EGFLAM: variants seen among roughly 807,000 people sequenced by gnomAD.
The protein encoded by EGFLAM is EGF like, fibronectin type III and laminin G domains, also known as pikachurin.
Under a neutral mutation model 113.1 loss-of-function variants are expected in EGFLAM, and 79 were observed. That is an observed-to-expected ratio of 0.70 (90% CI 0.58 to 0.84). The LOEUF (loss-of-function observed/expected upper bound fraction) is 0.84. Ranked by LOEUF, EGFLAM falls within the 40% of genes least tolerant of loss-of-function variation. The pLI, the probability that EGFLAM is intolerant of heterozygous loss-of-function variation, is 0.00. For missense variants in EGFLAM, 1,265 were observed against 1,291.6 expected, an observed-to-expected ratio of 0.98 and a Z score of 0.32; for synonymous variants, 504 against 487.6, an observed-to-expected ratio of 1.03 and a Z score of -0.44.
At chr5:38,315,101 C>A (rs1278395550) in intron 1 of EGFLAM, among the ~76,000 whole-genome samples, 1 of 152,134 alleles carries the variant, frequency 6.6e-6, no homozygotes, top group African/African-American at 2.4e-5. Flanking sequence ...AACATAGATA[C>A]CAGCTAGGAC....
At chr5:38,328,339 C>G (rs1166503540) in intron 1 of EGFLAM, among the ~76,000 whole-genome samples, 1 of 152,200 alleles carries the variant, frequency 6.6e-6, no homozygotes, top group Non-Finnish European at 1.5e-5. Flanking sequence ...TCCACCAGGC[C>G]CTTCCTCCAA....
At chr5:38,349,714 A>G (rs1000508404) in intron 3 of EGFLAM, among the ~76,000 whole-genome samples, 1 of 151,528 alleles carries the variant, frequency 6.6e-6, no homozygotes, top group African/African-American at 2.4e-5. Context: ...CAAGGTGGAG[A>G]AAGCCCTCTT....
At chr5:38,369,101 C>T (rs190516984) in intron 5 of EGFLAM, among the ~76,000 whole-genome samples, 15 of 152,206 alleles carry the variant, frequency 9.9e-5, no homozygotes, top group Middle Eastern at 3.4e-3. Context: ...TTTCTCCCCT[C>T]CAGCTAGGAT....
intron 16 of EGFLAM, 101 bp from the exon 17 acceptor site, chr5:38,438,174 T>A: frequency 8.5e-7 from 1 of 1,177,754 alleles, no homozygotes; most frequent in South Asian, 2.8e-5. Flanking sequence ...TTTTTTTCAA[T>A]CTCCCTATGT....
chr5:38,435,461 C>T (rs1742313566), intron 16 of EGFLAM, among the ~76,000 whole-genome samples: 1 of 152,238 alleles, frequency 6.6e-6, no homozygotes, highest in African/African-American at 2.4e-5. Flanking sequence ...GCCCGGCAGA[C>T]ATTCCATGAA....
At chr5:38,397,759 GACCCAAACTGTCATTTGACTCTCCCT>G (rs1391674632) in intron 6 of EGFLAM, among the ~76,000 whole-genome samples, 2 of 152,188 alleles carry the variant, frequency 1.3e-5, no homozygotes, top group African/African-American at 4.8e-5. Context: ...GCATCTTAGT[GACCCAAACTGTCATTTGACTCTCCCT>G]ACCCCCACCC....
chr5:38,328,433 TG>T (rs1370957906), intron 1 of EGFLAM, among the ~76,000 whole-genome samples: 1 of 152,182 alleles, frequency 6.6e-6, no homozygotes, highest in Non-Finnish European at 1.5e-5. Context: ...TCCTTCCTTA[TG>T]GCTGCCTATA....
At chr5:38,269,585 G>A (rs541628558) in intron 1 of EGFLAM, among the ~76,000 whole-genome samples, 13 of 151,710 alleles carry the variant, frequency 8.6e-5, no homozygotes, top group Non-Finnish European at 1.6e-4. Flanking sequence ...CGCCTCGCAG[G>A]TTCACGCCAT....
At chr5:38,422,341 TC>T (rs1351035693) in intron 12 of EGFLAM, among the ~76,000 whole-genome samples, 1 of 152,060 alleles carries the variant, frequency 6.6e-6, no homozygotes, top group Non-Finnish European at 1.5e-5. Context: ...TTAAGAGTTT[TC>T]CCCCTAAAAT....
rs76846157 is a variant in EGFLAM, at chr5:38,306,730, C to A, written c.98-30790C>A. On this transcript the variant is annotated intron_variant, in intron 1 of 21. Transcript: ENST00000322350. Reference sequence around the variant, plus strand: ...TGGGTATCCACACACTTCTGTAGTACCCTCTCCTTGGACAGGGGCAGCCCT... The same window carrying A: ...TGGGTATCCACACACTTCTGTAGTAACCTCTCCTTGGACAGGGGCAGCCCT... 9.0e-3 allele frequency among the ~76,000 whole-genome samples: 1,375 copies of A among 152,272 alleles called. 23 individuals are homozygous for A. The highest frequency in any genetic ancestry group is 0.032 in the African/African-American group (1,312 of 41,550).
rs1757418956 is a variant in EGFLAM, at chr5:38,258,808, C to T, written c.54C>T (p.Leu18=). Residue 18 remains leucine (L), a synonymous_variant, in exon 1 of 22, where the codon CTC becomes CTT. Transcript: ENST00000322350. ...GGCTCCTGCTCCTGGCTTCCAGCCT[C>T]GGACCCGGCGCGGTGTCGCTCCGAG... ...LLRLLLLASS[L]GPGAVSLRAA... is the part of the protein sequence containing the mutation. 6.2e-7 allele frequency: 1 copy of T among 1,612,532 alleles called. No homozygotes were observed. Among genetic ancestry groups the T allele is most frequent in the East Asian group, 2.2e-5 (1 of 44,828 alleles).
intron 1 of EGFLAM, among the ~76,000 whole-genome samples, chr5:38,270,173 A>G (rs1398629703): frequency 6.6e-6 from 1 of 152,164 alleles, no homozygotes; most frequent in Non-Finnish European, 1.5e-5. Context: ...TTATTTTACA[A>G]AATACTGGAT....
At chr5:38,318,943 C>T (rs1323114062) in intron 1 of EGFLAM, among the ~76,000 whole-genome samples, 1 of 152,046 alleles carries the variant, frequency 6.6e-6, no homozygotes, top group Non-Finnish European at 1.5e-5. Context: ...AACCATGGTT[C>T]CTGAGGTTAT....
intron 6 of EGFLAM, among the ~76,000 whole-genome samples, chr5:38,386,794 T>A (rs1463052100): frequency 6.6e-6 from 1 of 152,254 alleles, no homozygotes; most frequent in Non-Finnish European, 1.5e-5. Context: ...AGTGAGCCAC[T>A]GTGCCCAGCC....
chr5:38,300,375 C>T (rs1188747346), intron 1 of EGFLAM, among the ~76,000 whole-genome samples: 1 of 140,644 alleles, frequency 7.1e-6, no homozygotes, highest in African/African-American at 2.6e-5. Flanking sequence ...ATCTCTCTCT[C>T]TTTTTTTTTT....
At chr5:38,273,992 A>C (rs897160249) in intron 1 of EGFLAM, among the ~76,000 whole-genome samples, 4 of 152,224 alleles carry the variant, frequency 2.6e-5, no homozygotes, top group African/African-American at 9.6e-5. Flanking sequence ...GAAGAAAAGA[A>C]TAAGTGACCA....
rs969415406 is a variant in EGFLAM at position 38,445,630 on chromosome 5, C to G, written c.2465-2671C>G. On this transcript the variant is annotated intron_variant, in intron 17 of 21. Transcript: ENST00000322350. ...CAGAGTAATTGGGATTTGACAAGGA[C>G]TGTGAAAGGCTGACTCTCCCTGTTC... The G allele has an allele frequency of 1.1e-5, 18 of 1,598,348 alleles. No individual in the cohort carries two copies. In the African/African-American group the frequency reaches 1.5e-4, roughly 13 times the overall value.
rs938523187 is a variant in EGFLAM, at chr5:38,408,904, G to A, written c.1249-100G>A. ...GACCCTTTGTAGATAGGATCGTGGA[G>A]GAGAAAATGCTCAAGTTTCACATTT... On this transcript the variant is annotated intron_variant, in intron 9 of 21. Coordinates refer to ENST00000322350, the MANE Select transcript of EGFLAM (RefSeq NM_152403.4). The A allele has an allele frequency of 5.8e-5, 58 of 992,558 alleles. 1 individual carries two copies. The Admixed American group carries it at 1.1e-3, about 19-fold the overall frequency. The allele number at this position is 992,558 out of a possible 1,614,324, so 61.5% of individuals were successfully genotyped here. A position where few individuals can be genotyped will look rare whatever the true frequency, so the allele number is the denominator to read the frequency against.
chr5:38,390,978 G>A (rs868132273), intron 6 of EGFLAM, among the ~76,000 whole-genome samples: 5 of 152,170 alleles, frequency 3.3e-5, no homozygotes, highest in Middle Eastern at 3.4e-3. Flanking sequence ...GTATCCATTA[G>A]GAAGAAGTGT....
Sources: allele counts gnomAD v4.1 joint callset (sites outside exome capture counted in the v4.1 genomes callset), GRCh38; gene constraint gnomAD v4.1.1; transcripts MANE v1.5; gene names NCBI Gene and HGNC (gene_info 2026-07-23, HGNC 2026-07-21).